Variants in RSPH10B observed in about 807,000 individuals in gnomAD.
RSPH10B encodes the protein radial spoke head 10 homolog B (Chlamydomonas).
RSPH10B carries 7 observed loss-of-function variants against 52.5 expected under a neutral mutation model. That is an observed-to-expected ratio of 0.13 (90% confidence interval 0.08 to 0.25). The LOEUF is 0.25. Ranked by LOEUF, RSPH10B falls within the 10% of genes least tolerant of loss-of-function variation. The probability of loss-of-function intolerance (pLI) is 1.00; values close to 1 mark genes in which losing one functional copy is unlikely to be tolerated. For synonymous variants in RSPH10B, 28 were observed against 193.2 expected (o/e 0.14, Z 7.09); for missense variants, 89 against 542.5 (o/e 0.16, Z 8.30).
In RSPH10B at chr7:5,957,842, A is replaced by G. The variant is rs543186168; in HGVS notation, c.780+65T>C. The G allele has an allele frequency of 1.5e-3, 2,175 of 1,457,036 alleles. 49 individuals carry two copies. The African/African-American group carries it at 0.015, about 10-fold the overall frequency. 90.3% of individuals were successfully genotyped at this position (1,457,036 alleles called of 1,614,324 possible). On this transcript the variant is annotated intron_variant, in intron 6 of 18. Transcript: ENST00000337579. Reference sequence around the variant, plus strand: ...AAAAACAAAACCCAAAAAGAAATATACATGTGTTGAGAATCGGCGGAGCAT... The same window carrying G: ...AAAAACAAAACCCAAAAAGAAATATGCATGTGTTGAGAATCGGCGGAGCAT...
At chr7:5,938,510 G>A (rs1330880155) in intron 14 of RSPH10B, among the ~76,000 whole-genome samples, 3 of 57,544 alleles carry the variant, frequency 5.2e-5, no homozygotes, top group South Asian at 4.9e-4. Flanking sequence ...CCCGGGAGGC[G>A]GAGCTTGCAG....
At chr7:5,938,323 T>C (rs1780029772) in intron 14 of RSPH10B, among the ~76,000 whole-genome samples, 1 of 113,436 alleles carries the variant, frequency 8.8e-6, no homozygotes, top group South Asian at 2.5e-4. Context: ...ATCCCAGCAC[T>C]TTGGGAGGCC....
At chr7:5,955,122 G>A (rs1780707722) in intron 7 of RSPH10B, among the ~76,000 whole-genome samples, 1 of 140,066 alleles carries the variant, frequency 7.1e-6, no homozygotes, top group Admixed American at 7.1e-5. Flanking sequence ...CCGAGATCAT[G>A]CCACTGCACT....
intron 11 of RSPH10B, among the ~76,000 whole-genome samples, chr7:5,944,536 A>T (rs1314154244): frequency 6.7e-6 from 1 of 149,240 alleles, no homozygotes; most frequent in East Asian, 1.9e-4. Flanking sequence ...ACCCCGAGAG[A>T]TATTTGCAGT....
chr7:5,941,515 C>T (rs548958623), intron 13 of RSPH10B, among the ~76,000 whole-genome samples: 64 of 149,196 alleles, frequency 4.3e-4, no homozygotes, highest in African/African-American at 1.4e-3. Context: ...GAGTCCGACA[C>T]GGGCGGATCA....
intron 17 of RSPH10B, among the ~76,000 whole-genome samples, chr7:5,931,024 C>T (rs562851421): frequency 1.1e-3 from 120 of 108,106 alleles, no homozygotes; most frequent in African/African-American, 4.0e-3. Context: ...ACCTCTGCCT[C>T]CTGGGTTCAA....
At position 5,957,870 on chromosome 7, in the gene RSPH10B, G is replaced by A. The variant is rs369207602; in HGVS notation, c.780+37C>T. ...TGTGTTGAGAATCGGCGGAGCATCC[G>A]CCTCTGGGTATAAGCTGCTACCCCG... is the stretch of plus-strand genomic sequence containing the variant. On this transcript the variant is annotated intron_variant, in intron 6 of 18. Transcript: ENST00000337579. 6.4e-3 allele frequency: 8,310 copies of A among 1,297,886 alleles called. 104 individuals carry two copies. Among genetic ancestry groups the A allele is most frequent in the Middle Eastern group, 7.6e-3 (29 of 3,818 alleles). 80.4% of individuals were successfully genotyped at this position (1,297,886 alleles called of 1,614,324 possible). A position where few individuals can be genotyped will look rare whatever the true frequency, so the allele number is the denominator to read the frequency against.
chr7:5,927,086 G>GTATATATGTGTGTATATATATA (rs1562553478), intron 18 of RSPH10B, among the ~76,000 whole-genome samples: 17 of 69,068 alleles, frequency 2.5e-4, no homozygotes, highest in African/African-American at 9.1e-4. Context: ...GTGTGTGTGT[G>GTATATATGTGTGTATATATATA]TGTGTGTGTG....
intron 13 of RSPH10B, among the ~76,000 whole-genome samples, chr7:5,942,825 G>A (rs1436622754): frequency 1.3e-5 from 2 of 149,938 alleles, no homozygotes; most frequent in Non-Finnish European, 3.0e-5. Context: ...TCACTTCATT[G>A]CACTCCAGCC....
At position 5,965,913 on chromosome 7, in the gene RSPH10B, G is replaced by T. The variant is rs1169399177; in HGVS notation, c.255-201C>A. On this transcript the variant is annotated intron_variant, in intron 1 of 18. Coordinates refer to ENST00000337579, the Ensembl canonical transcript of RSPH10B. ...GGGTGAGGAATGAAGGCGTTTCGGGGTTTTTTTGTTTGTTTTTTGGGGATT... is the reference window on the plus strand; with the variant it reads ...GGGTGAGGAATGAAGGCGTTTCGGGTTTTTTTTGTTTGTTTTTTGGGGATT... Among the ~76,000 whole-genome samples the T allele has an allele frequency of 2.0e-4, 24 of 120,330 alleles. 1 individual carries two copies. The highest frequency in any genetic ancestry group is 5.9e-4 in the South Asian group (2 of 3,402). The allele number at this position is 120,330 out of a possible 152,430, so 78.9% of individuals were successfully genotyped here.
chr7:5,969,153 T>G (rs1781226304), upstream of RSPH10B, among the ~76,000 whole-genome samples: 1 of 11,880 alleles, frequency 8.4e-5, no homozygotes, highest in African/African-American at 4.6e-4. Flanking sequence ...TTTCCTTTTT[T>G]TTTTTTTTTT....
Position 5,957,731 on chromosome 7 carries a change from G to A in RSPH10B, c.780+176C>T, listed in dbSNP as rs1457897284. 7.8e-5 allele frequency among the ~76,000 whole-genome samples: 10 copies of A among 127,982 alleles called. 1 individual carries two copies. Among genetic ancestry groups the A allele is most frequent in the Admixed American group, 7.7e-4 (10 of 13,022 alleles). 84.0% of individuals were successfully genotyped at this position (127,982 alleles called of 152,430 possible). ...GAATTGCTTGAACCCGGGAGGTGGA[G>A]GCTGCAGTGAGCCAAGATTGCGCCA... On this transcript the variant is annotated intron_variant, in intron 6 of 18. Transcript: ENST00000337579.
chr7:5,942,945 G>A (rs1277449773), intron 13 of RSPH10B, among the ~76,000 whole-genome samples: 1,636 of 142,730 alleles, frequency 0.011, 12 homozygotes, highest in African/African-American at 0.041. Flanking sequence ...TAAGACAATG[G>A]CCCATGGCAT....
At chr7:5,938,296 G>T (rs1224452695) in intron 14 of RSPH10B, among the ~76,000 whole-genome samples, 2 of 104,902 alleles carry the variant, frequency 1.9e-5, no homozygotes, top group Non-Finnish European at 4.5e-5. Context: ...GGCTGGGCGC[G>T]GTGGCTCATG....
chr7:5,943,673 A>G (rs1156406735), intron 12 of RSPH10B, among the ~76,000 whole-genome samples: 4 of 148,840 alleles, frequency 2.7e-5, no homozygotes, highest in Admixed American at 6.8e-5. Flanking sequence ...CCTCCCGAGT[A>G]GCTAGGATTA....
At chr7:5,961,581 G>A (rs372210270) in intron 3 of RSPH10B, among the ~76,000 whole-genome samples, 272 of 85,708 alleles carry the variant, frequency 3.2e-3, no homozygotes, top group South Asian at 7.4e-3. Flanking sequence ...GACCTGAGGT[G>A]ATCCACCTGC....
chr7:5,927,062 G>GTATATT (rs1562553198), intron 18 of RSPH10B, among the ~76,000 whole-genome samples: 2 of 92,516 alleles, frequency 2.2e-5, no homozygotes, highest in African/African-American at 4.7e-5. Flanking sequence ...GTGTGTGTGT[G>GTATATT]TGTGTATATG....
chr7:5,943,235 T>G, intron 13 of RSPH10B, 89 bp downstream of exon 15: 1 of 1,563,886 alleles, frequency 6.4e-7, no homozygotes, highest in Non-Finnish European at 8.7e-7. Flanking sequence ...CCTGATTATT[T>G]GCATATCACA....
intron 13 of RSPH10B, among the ~76,000 whole-genome samples, chr7:5,941,028 G>A (rs1286049985): frequency 1.3e-5 from 1 of 76,384 alleles, no homozygotes; most frequent in Non-Finnish European, 2.9e-5. Flanking sequence ...AGGGCCAGGT[G>A]CAGTGGCTCA....
Sources: gnomAD v4.1 joint callset for allele counts (sites outside exome capture counted in the v4.1 genomes callset) on GRCh38, gnomAD v4.1.1 for gene constraint, MANE v1.5 for transcripts, NCBI Gene and HGNC (gene_info 2026-07-23, HGNC 2026-07-21) for gene names.